BCL2L13: variants seen among roughly 807,000 people sequenced by gnomAD.
BCL2L13 encodes bcl-2-like protein 13.
Under a neutral mutation model 25.8 loss-of-function variants are expected in BCL2L13, and 13 were observed. The observed-to-expected ratio is 0.50, with a 90% CI of 0.33 to 0.80. BCL2L13 has a LOEUF of 0.80. BCL2L13 is among the 30% of genes least tolerant of loss of function. BCL2L13 has a pLI of 0.02. For synonymous variants in BCL2L13, 244 were observed against 230.3 expected (o/e 1.06, Z -0.54); for missense variants, 504 against 574.9 (o/e 0.88, Z 1.26).
chr22:17,650,991 C>CTT (rs35235295), intron 1 of BCL2L13, among the ~76,000 whole-genome samples: 4,458 of 105,372 alleles, frequency 0.042, 397 homozygotes, highest in East Asian at 0.081. Flanking sequence ...CCATTCACTC[C>CTT]TTTTTTTTTT....
At chr22:17,665,908 G>T (rs1385815799) in intron 2 of BCL2L13, among the ~76,000 whole-genome samples, 1 of 152,036 alleles carries the variant, frequency 6.6e-6, no homozygotes, top group African/African-American at 2.4e-5. Context: ...CCAAATTTTG[G>T]CAATTATGAA....
chr22:17,661,991 CAA>C (rs757785893), intron 2 of BCL2L13, among the ~76,000 whole-genome samples: 6 of 105,776 alleles, frequency 5.7e-5, no homozygotes, highest in African/African-American at 1.0e-4. Flanking sequence ...AACTCCATCT[CAA>C]AAAAAAAAAA....
chr22:17,717,518 G>T (rs375020117), intron 6 of BCL2L13, among the ~76,000 whole-genome samples: 51 of 152,008 alleles, frequency 3.4e-4, no homozygotes, highest in African/African-American at 1.2e-3. Flanking sequence ...CTAATTCCTG[G>T]GCTCAAGCTT....
intron 3 of BCL2L13, among the ~76,000 whole-genome samples, chr22:17,685,116 C>A (rs531480987): frequency 6.6e-6 from 1 of 151,882 alleles, no homozygotes; most frequent in South Asian, 2.1e-4. Flanking sequence ...TCAGGTGATC[C>A]GCCCACCTCG....
chr22:17,683,375 T>C, intron 3 of BCL2L13, 54 bp downstream of exon 3: 1 of 1,060,654 alleles, frequency 9.4e-7, no homozygotes, highest in African/African-American at 1.6e-5. Flanking sequence ...TGTTATGGTT[T>C]ACTGTTGGTT....
chr22:17,710,899 A>T (rs1446441584), intron 6 of BCL2L13, among the ~76,000 whole-genome samples: 2 of 152,038 alleles, frequency 1.3e-5, no homozygotes, highest in Non-Finnish European at 2.9e-5. Flanking sequence ...AATAAAAAAA[A>T]ATAAATAAAT....
intron 2 of BCL2L13, among the ~76,000 whole-genome samples, chr22:17,675,774 A>G: frequency 6.6e-6 from 1 of 152,202 alleles, no homozygotes; most frequent in East Asian, 1.9e-4. Context: ...TTCCCCAATC[A>G]ATTTGTTGTG....
intron 1 of BCL2L13, among the ~76,000 whole-genome samples, chr22:17,648,365 G>A (rs773317379): frequency 5.9e-5 from 9 of 151,778 alleles, no homozygotes; most frequent in Admixed American, 1.3e-4. Flanking sequence ...AGTCCTGAAG[G>A]AGCTGCTGCA....
intron 1 of BCL2L13, among the ~76,000 whole-genome samples, chr22:17,648,477 C>G (rs535236768): frequency 4.6e-5 from 7 of 151,902 alleles, no homozygotes; most frequent in Admixed American, 2.6e-4. Context: ...GTTGGAGGAT[C>G]ACTTGGGGCC....
At chr22:17,640,912 G>A (rs34031531) in intron 1 of BCL2L13, among the ~76,000 whole-genome samples, 23,271 of 148,422 alleles carry the variant, frequency 0.16, 2,159 homozygotes, top group Non-Finnish European at 0.21. Context: ...TTTTTTTGAG[G>A]CGGAGTGTCG....
chr22:17,726,361 A>C (rs1601812326), intron 6 of BCL2L13, among the ~76,000 whole-genome samples: 1 of 152,048 alleles, frequency 6.6e-6, no homozygotes, highest in East Asian at 1.9e-4. Flanking sequence ...AAAAAAAAAA[A>C]AAAAAAAACC....
intron 3 of BCL2L13, among the ~76,000 whole-genome samples, chr22:17,687,948 G>A (rs2059994190): frequency 1.3e-5 from 2 of 151,484 alleles, no homozygotes; most frequent in African/African-American, 4.9e-5. Flanking sequence ...CTCCTGAGTA[G>A]CTGGGGTTAC....
At position 17,689,157 on chromosome 22, in the gene BCL2L13, T is replaced by A; in HGVS notation, c.386+15T>A. On this transcript the variant is annotated intron_variant, in intron 4 of 6. Coordinates refer to ENST00000317582, the MANE Select transcript of BCL2L13 (RefSeq NM_015367.4). ...CTCCTGAGCCAGTGAGTTACACTGC[T>A]GAGTGGGATGTGCTTCTTTAAGTAG... 1.2e-6 allele frequency: 2 copies of A among 1,612,442 alleles called. No homozygotes were observed. Among genetic ancestry groups the A allele is most frequent in the Non-Finnish European group, 1.7e-6 (2 of 1,179,048 alleles).
chr22:17,646,953 ATATTTTTTTTT>A (rs1343064215), intron 1 of BCL2L13, among the ~76,000 whole-genome samples: 27 of 21,626 alleles, frequency 1.2e-3, no homozygotes, highest in South Asian at 3.0e-3. Flanking sequence ...ATATATATAT[ATATTTTTTTTT>A]TTTTTTTTTT....
At chr22:17,706,721 T>C (rs2060602359) in intron 6 of BCL2L13, 2 of 1,351,718 alleles carry the variant, frequency 1.5e-6, no homozygotes, top group Non-Finnish European at 2.0e-6. Flanking sequence ...TCTCCCTGAG[T>C]CATCCTTGCT....
intron 1 of BCL2L13, among the ~76,000 whole-genome samples, chr22:17,650,258 T>C (rs775450622): frequency 3.9e-5 from 6 of 152,238 alleles, no homozygotes; most frequent in Non-Finnish European, 5.9e-5. Context: ...CCCTGACTTC[T>C]GTGATTACAG....
At chr22:17,634,254 C>T (rs962272970), upstream of BCL2L13, among the ~76,000 whole-genome samples, 2 of 151,922 alleles carry the variant, frequency 1.3e-5, no homozygotes, top group East Asian at 1.9e-4. Context: ...GGAGTGATCT[C>T]GGCTCAACAC....
intron 2 of BCL2L13, among the ~76,000 whole-genome samples, chr22:17,667,451 G>A (rs550873288): frequency 4.6e-5 from 7 of 151,898 alleles, no homozygotes; most frequent in African/African-American, 7.3e-5. Context: ...AATTACAGGC[G>A]TGAGCCACCG....
At chr22:17,706,146 C>T (rs1461885302) in intron 6 of BCL2L13, among the ~76,000 whole-genome samples, 1 of 152,124 alleles carries the variant, frequency 6.6e-6, no homozygotes, top group Non-Finnish European at 1.5e-5. Flanking sequence ...TCCCTAGTAG[C>T]TGGGACCACA....
Sources: allele counts gnomAD v4.1 joint callset (sites outside exome capture counted in the v4.1 genomes callset), GRCh38; gene constraint gnomAD v4.1.1; transcripts MANE v1.5; gene names NCBI Gene and HGNC (gene_info 2026-07-23, HGNC 2026-07-21).